Variants in PCNX1 observed in about 807,000 individuals in gnomAD.
PCNX1 encodes the protein pecanex 1.
PCNX1 carries 78 observed loss-of-function variants against 242.2 expected under a neutral mutation model. That is an observed-to-expected ratio of 0.32 (90% CI 0.27 to 0.39). The LOEUF (loss-of-function observed/expected upper bound fraction) is 0.39, where lower values mean the gene tolerates loss of function less well. Ranked by LOEUF, PCNX1 falls within the 10% of genes least tolerant of loss-of-function variation. The probability of loss-of-function intolerance (pLI) is 1.00; values close to 1 mark genes in which losing one functional copy is unlikely to be tolerated. For synonymous variants in PCNX1, 1,024 were observed against 1,032.9 expected, an observed-to-expected ratio of 0.99 and a Z score of 0.17; for missense variants, 2,581 against 2,856.5, an observed-to-expected ratio of 0.90 and a Z score of 2.20.
At chr14:71,087,181 A>G (rs534963411) in intron 28 of PCNX1, among the ~76,000 whole-genome samples, 6 of 152,082 alleles carry the variant, frequency 3.9e-5, no homozygotes, top group East Asian at 1.9e-4. Flanking sequence ...TTTCTTTTGT[A>G]TTTCTTTAAA....
At chr14:70,941,536 C>G (rs1001617332) in intron 1 of PCNX1, among the ~76,000 whole-genome samples, 4 of 152,204 alleles carry the variant, frequency 2.6e-5, no homozygotes, top group African/African-American at 9.6e-5. Context: ...TGTCAGTCGA[C>G]CCGTACTGGG....
intron 1 of PCNX1, among the ~76,000 whole-genome samples, chr14:70,926,740 A>C (rs995431838): frequency 1.3e-5 from 2 of 152,108 alleles, no homozygotes; most frequent in Non-Finnish European, 2.9e-5. Flanking sequence ...TTAACTCTTG[A>C]GGGATGCATG....
chr14:70,920,576 A>G (rs2056339102), intron 1 of PCNX1, among the ~76,000 whole-genome samples: 2 of 152,218 alleles, frequency 1.3e-5, no homozygotes, highest in Admixed American at 6.5e-5. Context: ...ATATTAGGCT[A>G]TTTTAAAACT....
chr14:71,057,898 A>G (rs553233660), intron 26 of PCNX1, among the ~76,000 whole-genome samples, 174 bp downstream of exon 26: 1 of 152,340 alleles, frequency 6.6e-6, no homozygotes, highest in African/African-American at 2.4e-5. Flanking sequence ...CCATATTCCA[A>G]GAAGAATCAT....
intron 6 of PCNX1, among the ~76,000 whole-genome samples, chr14:70,984,987 C>T (rs1018625919): frequency 1.3e-5 from 2 of 152,076 alleles, no homozygotes; most frequent in African/African-American, 2.4e-5. Flanking sequence ...TGAAGTAACT[C>T]CTGAGGTGGG....
intron 3 of PCNX1, among the ~76,000 whole-genome samples, chr14:70,964,143 T>G (rs1257580936): frequency 6.6e-6 from 1 of 152,208 alleles, no homozygotes; most frequent in Admixed American, 6.5e-5. Flanking sequence ...CTTGGCTCAC[T>G]GCAACCTCCA....
In PCNX1 at chr14:71,073,669, G is replaced by C; in HGVS notation, c.4977G>C (p.Gln1659His). 6.2e-7 allele frequency: 1 copy of C among 1,614,070 alleles called. No homozygotes were observed. The highest frequency in any genetic ancestry group is 8.5e-7 in the Non-Finnish European group (1 of 1,179,978). The stretch of plus-strand genomic sequence containing the variant: ...TTTCATTTAATGCTGCATTTAGCCA[G>C]CGATGGCTAGCTTGGGAAGTGATAG... ...HMLSFNAAFS[Q>H]RWLAWEVIVT... Residue 1659 changes from glutamine (Q) to histidine (H), a missense_variant, in exon 27 of 36, where the codon CAG becomes CAC. Physicochemically the swap from Gln to His is conservative, Grantham distance 24. Transcript: ENST00000304743.
At chr14:71,090,054 G>A (rs1443942677) in intron 30 of PCNX1, among the ~76,000 whole-genome samples, 1 of 152,104 alleles carries the variant, frequency 6.6e-6, no homozygotes, top group Non-Finnish European at 1.5e-5. Flanking sequence ...TTCCCTGTAT[G>A]AATATTAGCC....
intron 7 of PCNX1, among the ~76,000 whole-genome samples, chr14:70,990,203 C>G (rs2059121845): frequency 6.6e-6 from 1 of 151,914 alleles, no homozygotes; most frequent in Non-Finnish European, 1.5e-5. Context: ...TGCTGTGATT[C>G]TGGGGGCTGC....
intron 26 of PCNX1, among the ~76,000 whole-genome samples, chr14:71,068,597 T>C (rs1374003526): frequency 7.0e-6 from 1 of 142,638 alleles, no homozygotes; most frequent in Non-Finnish European, 1.5e-5. Flanking sequence ...CGTGCGTGTG[T>C]GTGTGTGTGT....
At chr14:70,959,182 G>A (rs957695726) in intron 2 of PCNX1, among the ~76,000 whole-genome samples, 2 of 150,406 alleles carry the variant, frequency 1.3e-5, no homozygotes, top group African/African-American at 2.4e-5. Flanking sequence ...GTGAAATTTG[G>A]TGTGTGGTTT....
rs2058711955 is a variant in PCNX1 at position 70,977,133 on chromosome 14, C to G, written c.796C>G (p.Leu266Val). The part of the protein sequence containing the change: ...SSACDTEVAS[L>V]VPLHSHSYRK... The stretch of plus-strand genomic sequence containing the variant: ...CGCCTGTGACACAGAAGTAGCTTCT[C>G]TTGTACCTTTACACTCACACTCTTA... Residue 266 changes from leucine (L) to valine (V), a missense_variant, in exon 6 of 36, where the codon CTT becomes GTT. Transcript: ENST00000304743. 1.2e-6 allele frequency: 2 copies of G among 1,614,224 alleles called. No homozygotes were observed. Among genetic ancestry groups the G allele is most frequent in the African/African-American group, 2.7e-5 (2 of 75,062 alleles).
chr14:71,095,271 CTG>C (rs1029849092), intron 30 of PCNX1, among the ~76,000 whole-genome samples: 1 of 152,108 alleles, frequency 6.6e-6, no homozygotes, highest in African/African-American at 2.4e-5. Context: ...ATTTTACAGT[CTG>C]TGATATCCTT....
intron 1 of PCNX1, among the ~76,000 whole-genome samples, chr14:70,913,008 C>CT (rs910021676): frequency 6.6e-6 from 1 of 152,122 alleles, no homozygotes; most frequent in African/African-American, 2.4e-5. Flanking sequence ...GGTTCCCTCT[C>CT]TTTTTTTTCA....
chr14:71,007,863 A>T (rs183116844), intron 8 of PCNX1, among the ~76,000 whole-genome samples: 1,587 of 152,222 alleles, frequency 0.01, 26 homozygotes, highest in African/African-American at 0.03. Flanking sequence ...TACATCTATG[A>T]AGTAGCCAAG....
intron 13 of PCNX1, among the ~76,000 whole-genome samples, chr14:71,023,542 A>G (rs2060161527): frequency 6.6e-6 from 1 of 152,116 alleles, no homozygotes; most frequent in African/African-American, 2.4e-5. Flanking sequence ...TGTGTTTAAT[A>G]CATTTTGAAT....
chr14:71,055,125 A>C (rs1020990118), intron 24 of PCNX1, among the ~76,000 whole-genome samples: 11 of 152,350 alleles, frequency 7.2e-5, no homozygotes, highest in Non-Finnish European at 1.5e-4. Flanking sequence ...ACATTGCATC[A>C]CTGAGCATTA....
chr14:71,086,639 C>G (rs1018700434), intron 28 of PCNX1, among the ~76,000 whole-genome samples: 1 of 152,172 alleles, frequency 6.6e-6, no homozygotes, highest in Non-Finnish European at 1.5e-5. Context: ...TCGGATGATT[C>G]TTTTCTCAGC....
chr14:71,110,141 ATTTT>A lies in PCNX1; in HGVS notation c.*210_*213del. The A allele has an allele frequency of 3.2e-6, 2 of 627,384 alleles. No homozygotes were observed. Among genetic ancestry groups the A allele is most frequent in the East Asian group, 5.8e-5 (2 of 34,482 alleles). 38.9% of individuals were successfully genotyped at this position (627,384 alleles called of 1,614,324 possible). Reference sequence around the variant, plus strand: ...CTCCATCCCCAAATAAAGCTGAAATATTTTTTTAAGTTAGCTGCCGAGAAAACAT... The same window carrying A: ...CTCCATCCCCAAATAAAGCTGAAATATTTAAGTTAGCTGCCGAGAAAACAT... On this transcript the variant is annotated 3_prime_UTR_variant, in exon 36 of 36. Transcript: ENST00000304743.
Sources: gnomAD v4.1 joint callset for allele counts (sites outside exome capture counted in the v4.1 genomes callset) on GRCh38, gnomAD v4.1.1 for gene constraint, MANE v1.5 for transcripts, NCBI Gene and HGNC (gene_info 2026-07-23, HGNC 2026-07-21) for gene names.